The following LMF1 variants were observed in gnomAD, a reference collection of about 807,000 sequenced individuals.
The protein encoded by LMF1 is transmembrane protein 112.
In LMF1, 68 loss-of-function variants were observed where a neutral mutation model predicts 60.6. The observed-to-expected ratio is 1.12, with a 90% CI of 0.92 to 1.37. The LOEUF is 1.37. Among genes scored for constraint, LMF1 ranks in the 40% most tolerant of loss-of-function variants. LMF1 has a pLI of 0.00. For missense variants in LMF1, 948 were observed against 767.2 expected (o/e 1.24, Z -2.78); for synonymous variants, 418 against 324.7 (o/e 1.29, Z -3.09).
chr16:975,817 G>A (rs769322823), upstream of LMF1: 7 of 454,042 alleles, frequency 1.5e-5, no homozygotes, highest in African/African-American at 4.0e-5. Context: ...TCTCTGGAAC[G>A]TTCCATCCTG....
chr16:872,347 G>C (rs1320646352), intron 6 of LMF1: 1 of 152,226 alleles, frequency 6.6e-6, no homozygotes, highest in Non-Finnish European at 1.5e-5. Flanking sequence ...CTAATGAAGG[G>C]ACTCGTGAGG....
At chr16:910,298 C>T (rs764032568) in intron 4 of LMF1, among the ~76,000 whole-genome samples, 78 of 152,320 alleles carry the variant, frequency 5.1e-4, no homozygotes, top group Non-Finnish European at 7.1e-4. Flanking sequence ...GCAGGAAGCA[C>T]GCACAGCCCG....
intron 1 of LMF1, among the ~76,000 whole-genome samples, chr16:967,298 C>G (rs935500870): frequency 7.9e-5 from 12 of 152,212 alleles, no homozygotes; most frequent in Non-Finnish European, 1.5e-4. Flanking sequence ...GTGAGGGCCT[C>G]AATCTTCCGC....
At chr16:919,798 C>T (rs370539497) in intron 3 of LMF1, among the ~76,000 whole-genome samples, 38 of 152,236 alleles carry the variant, frequency 2.5e-4, no homozygotes, top group African/African-American at 6.5e-4. Flanking sequence ...AGGAGCCTCA[C>T]GGAGACCCAC....
At chr16:924,367 T>C (rs2151771377) in intron 3 of LMF1, among the ~76,000 whole-genome samples, 1 of 152,334 alleles carries the variant, frequency 6.6e-6, no homozygotes, top group South Asian at 2.1e-4. Flanking sequence ...TCTGTTTTTA[T>C]TATAAGTCGT....
intron 6 of LMF1, among the ~76,000 whole-genome samples, chr16:875,297 A>C (rs2069941149): frequency 6.6e-6 from 1 of 152,044 alleles, no homozygotes; most frequent in African/African-American, 2.4e-5. Context: ...CACCGGCACT[A>C]AGGGAACCCG....
intron 3 of LMF1, among the ~76,000 whole-genome samples, chr16:911,417 G>A (rs1274480265): frequency 6.6e-6 from 1 of 152,094 alleles, no homozygotes; most frequent in Non-Finnish European, 1.5e-5. Flanking sequence ...CTGCACACAT[G>A]CTGCCGGCAG....
chr16:946,660 G>C (rs189361211), intron 2 of LMF1, among the ~76,000 whole-genome samples: 513 of 152,322 alleles, frequency 3.4e-3, no homozygotes, highest in Non-Finnish European at 5.2e-3. Context: ...TATGCTGTTC[G>C]GAAGGTGGGC....
At chr16:866,082 C>G (rs566839854) in intron 10 of LMF1, among the ~76,000 whole-genome samples, 1 of 152,232 alleles carries the variant, frequency 6.6e-6, no homozygotes, top group Non-Finnish European at 1.5e-5. Flanking sequence ...TGAAGTCACT[C>G]TAATACCTCC....
intron 5 of LMF1, among the ~76,000 whole-genome samples, chr16:880,340 C>A (rs954585099): frequency 1.2e-4 from 18 of 151,366 alleles, no homozygotes; most frequent in Admixed American, 1.2e-3. Flanking sequence ...AGCAGCCCAG[C>A]CAGGAGGAAG....
rs1273969331 is a variant in LMF1 at position 874,765 on chromosome 16, C to G, written c.898-3424G>C. ...CAGATGGGAACACACGGAACCAGGACAGGCTCCAGGCAGGCGGCGCTCAGA... is the reference window on the plus strand; with the variant it reads ...CAGATGGGAACACACGGAACCAGGAGAGGCTCCAGGCAGGCGGCGCTCAGA... On this transcript the variant is annotated intron_variant, in intron 6 of 10. Coordinates refer to ENST00000262301, the MANE Select transcript of LMF1 (RefSeq NM_022773.4). The surrounding 1 kb of genome is among the most constrained non-coding windows in gnomAD (Gnocchi z 4.1). Among the ~76,000 whole-genome samples, 2 of 151,942 alleles carry G rather than the reference C, an allele frequency of 1.3e-5. No individual in the cohort carries two copies. The highest frequency in any genetic ancestry group is 2.9e-5 in the Non-Finnish European group (2 of 67,896).
At chr16:864,120 C>G (rs1328978672) in intron 10 of LMF1, among the ~76,000 whole-genome samples, 5 of 152,230 alleles carry the variant, frequency 3.3e-5, no homozygotes, top group African/African-American at 1.2e-4. Flanking sequence ...TTTTGCAGAT[C>G]TGTGCTTAGT....
intron 5 of LMF1, among the ~76,000 whole-genome samples, chr16:888,094 TGTA>T (rs1221964206): frequency 6.6e-6 from 1 of 152,186 alleles, no homozygotes; most frequent in Non-Finnish European, 1.5e-5. Context: ...CGGACGGAAT[TGTA>T]GTTCTCCACG....
At chr16:979,176 T>C (rs969390021) in intron 1 of LMF1, 2 of 438,564 alleles carry the variant, frequency 4.6e-6, no homozygotes, top group Non-Finnish European at 9.3e-6. Flanking sequence ...CCTCCCTCTC[T>C]GAAAGCTCCG....
At chr16:943,852 C>T (rs2072172373) in intron 2 of LMF1, among the ~76,000 whole-genome samples, 1 of 151,984 alleles carries the variant, frequency 6.6e-6, no homozygotes, top group Admixed American at 6.6e-5. Context: ...TTTCTTGTGA[C>T]CCTTTTTTGT....
chr16:949,565 G>A (rs1219376060), intron 2 of LMF1, among the ~76,000 whole-genome samples: 3 of 139,788 alleles, frequency 2.1e-5, no homozygotes, highest in African/African-American at 8.6e-5. Flanking sequence ...CAGAGACAAT[G>A]ACAGAGTCAG....
chr16:894,320 A>C (rs1245663881), intron 4 of LMF1, among the ~76,000 whole-genome samples: 12 of 21,844 alleles, frequency 5.5e-4, no homozygotes, highest in Admixed American at 1.2e-3. Flanking sequence ...CGGATCGTCC[A>C]CCCACCCGTC....
In LMF1 at chr16:970,973, G is replaced by C. The variant is rs780108281; in HGVS notation, c.8C>G (p.Pro3Arg). Residue 3 changes from proline to arginine, a missense_variant, in exon 1 of 11, where the codon CCT becomes CGT. Coordinates refer to ENST00000262301, the MANE Select transcript of LMF1 (RefSeq NM_022773.4). ...GGGCGCCGCCATTGTTGGGCTGTCAGGGCGCATGTGCGGGGAGGGCGCACT... is the reference window on the plus strand; with the variant it reads ...GGGCGCCGCCATTGTTGGGCTGTCACGGCGCATGTGCGGGGAGGGCGCACT... Reference protein sequence around the residue: MRPDSPTMAAPAE... With the variant: MRRDSPTMAAPAE... The C allele has an allele frequency of 4.0e-6, 6 of 1,509,040 alleles. No homozygotes were observed. Among genetic ancestry groups the C allele is most frequent in the Non-Finnish European group, 5.3e-6 (6 of 1,124,156 alleles). The allele number at this position is 1,509,040 out of a possible 1,614,324, so 93.5% of individuals were successfully genotyped here.
intron 2 of LMF1, 147 bp downstream of exon 2, chr16:954,210 G>T: frequency 1.1e-6 from 1 of 884,322 alleles, no homozygotes; most frequent in Non-Finnish European, 1.8e-6. Context: ...TGGCCGCTCT[G>T]CCATGGCCTA....
Sources: allele counts gnomAD v4.1 joint callset (sites outside exome capture counted in the v4.1 genomes callset), GRCh38; gene constraint gnomAD v4.1.1; non-coding constraint Gnocchi (gnomAD v3.1); transcripts MANE v1.5; gene names NCBI Gene and HGNC (gene_info 2026-07-23, HGNC 2026-07-21).